TP53INP1: variants seen among roughly 807,000 people sequenced by gnomAD.
TP53INP1 encodes the protein tumor protein p53 inducible nuclear protein 1, also known as tumor protein p53-inducible nuclear protein 1.
A neutral mutation model predicts 21.0 loss-of-function variants in TP53INP1; 12 were observed. That is an observed-to-expected ratio of 0.57 (90% CI 0.37 to 0.93). The LOEUF (loss-of-function observed/expected upper bound fraction) is 0.93. TP53INP1 is among the 40% of genes least tolerant of loss of function. The probability of loss-of-function intolerance (pLI) is 0.01; values close to 1 mark genes in which losing one functional copy is unlikely to be tolerated. For synonymous variants in TP53INP1, 91 were observed against 94.8 expected (o/e 0.96, Z 0.23); for missense variants, 274 against 294.7 (o/e 0.93, Z 0.51).
Position 94,929,602 on chromosome 8 carries a change from A to G in TP53INP1, c.*877T>C, listed in dbSNP as rs1457537829. 1.3e-5 allele frequency: 2 copies of G among 152,152 alleles called. No homozygotes were observed. The highest frequency in any genetic ancestry group is 1.5e-5 in the Non-Finnish European group (1 of 68,024). The allele number at this position is 152,152 out of a possible 1,614,324, so 9.4% of individuals were successfully genotyped here. A position where few individuals can be genotyped will look rare whatever the true frequency, so the allele number is the denominator to read the frequency against. On this transcript the variant is annotated 3_prime_UTR_variant, in exon 4 of 4. Coordinates refer to ENST00000342697, the MANE Select transcript of TP53INP1 (RefSeq NM_033285.4). ...TTTCCCATGGGCAGAGAGAAATATGAAGTCACTTGAGTGCCTGGACAAGTA... is the reference window on the plus strand; with the variant it reads ...TTTCCCATGGGCAGAGAGAAATATGGAGTCACTTGAGTGCCTGGACAAGTA...
intron 3 of TP53INP1, among the ~76,000 whole-genome samples, chr8:94,935,803 C>T (rs1019183320): frequency 1.4e-4 from 21 of 152,198 alleles, no homozygotes; most frequent in African/African-American, 4.8e-4. Context: ...GTGAGCTTTA[C>T]GTAAAGAAGT....
intron 1 of TP53INP1, among the ~76,000 whole-genome samples, chr8:94,944,798 G>A (rs1821847224): frequency 6.6e-6 from 1 of 152,188 alleles, no homozygotes; most frequent in African/African-American, 2.4e-5. Context: ...TGGCCCTTCT[G>A]AGCTTCAGTC....
intron 3 of TP53INP1, among the ~76,000 whole-genome samples, chr8:94,931,394 A>G (rs1490374528): frequency 6.6e-6 from 1 of 151,932 alleles, no homozygotes. Context: ...AAGACTCTTG[A>G]ATAACACAAT....
At chr8:94,940,733 A>C in intron 2 of TP53INP1, 97 bp downstream of exon 2, 1 of 848,122 alleles carries the variant, frequency 1.2e-6, no homozygotes, top group Non-Finnish European at 1.9e-6. Flanking sequence ...TTAAGGCTGA[A>C]AACCCCTCAG....
chr8:94,933,208 C>T (rs553744281), intron 3 of TP53INP1, among the ~76,000 whole-genome samples: 58 of 152,020 alleles, frequency 3.8e-4, no homozygotes, highest in African/African-American at 1.4e-3. Flanking sequence ...AGTGAGACTC[C>T]GTGTTAAAAT....
chr8:94,934,332 T>A (rs1028164151), intron 3 of TP53INP1, among the ~76,000 whole-genome samples: 1 of 152,150 alleles, frequency 6.6e-6, no homozygotes, highest in African/African-American at 2.4e-5. Context: ...CACACAACAC[T>A]GCAAAGTAAA....
Position 94,930,486 on chromosome 8 carries a change from T to C in TP53INP1, c.716A>G (p.Asn239Ser), listed in dbSNP as rs1315876324. The change falls in exon 4 of 4, where the codon AAT becomes AGT. Residue 239 changes from asparagine (N) to serine (S), a missense_variant. Physicochemically the swap from Asn to Ser is conservative, Grantham distance 46. Coordinates refer to ENST00000342697, the MANE Select transcript of TP53INP1 (RefSeq NM_033285.4). ...VVHQPCPRQY[N>S]Y The stretch of plus-strand genomic sequence containing the variant: ...CAACAAAACTTGAAACTATTAGTAA[T>C]TGTACTGACGCGGGCAGGGCTGATG... The C allele has an allele frequency of 1.9e-6, 3 of 1,614,138 alleles. No homozygotes were observed. Among genetic ancestry groups the C allele is most frequent in the Admixed American group, 1.7e-5 (1 of 60,012 alleles).
chr8:94,940,492 GTTGGCT>G (rs1821428273), intron 2 of TP53INP1, among the ~76,000 whole-genome samples: 1 of 151,938 alleles, frequency 6.6e-6, no homozygotes, highest in African/African-American at 2.4e-5. Flanking sequence ...ATAGATTTAT[GTTGGCT>G]TTGCAGGAGT....
rs1822340245 is a variant in TP53INP1 at position 94,949,333 on chromosome 8, A to G, written c.-330T>C. 6.6e-6 allele frequency: 1 copy of G among 150,542 alleles called. No individual in the cohort carries two copies. The highest frequency in any genetic ancestry group is 6.6e-5 in the Admixed American group (1 of 15,124). The allele number at this position is 150,542 out of a possible 1,614,324, so 9.3% of individuals were successfully genotyped here. On this transcript the variant is annotated 5_prime_UTR_variant, in exon 1 of 4. Coordinates refer to ENST00000342697, the MANE Select transcript of TP53INP1 (RefSeq NM_033285.4). ...CTCCAGCCCTCGGGTCGCTGCGCCC[A>G]GGCCGGCCAGTCCAAGTCCTTTTGT...
intron 3 of TP53INP1, among the ~76,000 whole-genome samples, chr8:94,936,082 G>A (rs1264805100): frequency 6.6e-6 from 1 of 152,192 alleles, no homozygotes; most frequent in Non-Finnish European, 1.5e-5. Flanking sequence ...ACACCTCTCA[G>A]TAACAACTAC....
rs2131369403 is a variant in TP53INP1, at chr8:94,940,998, C to A, written c.-57G>T. 5.7e-6 allele frequency: 8 copies of A among 1,399,914 alleles called. No individual in the cohort carries two copies. Among genetic ancestry groups the A allele is most frequent in the East Asian group, 2.3e-5 (1 of 42,854 alleles). The allele number at this position is 1,399,914 out of a possible 1,614,324, so 86.7% of individuals were successfully genotyped here. On this transcript the variant is annotated 5_prime_UTR_variant, in exon 2 of 4. Coordinates refer to ENST00000342697, the MANE Select transcript of TP53INP1 (RefSeq NM_033285.4). ...GTCTTTTATAGCTGAGATTTCAAAA[C>A]CTTGTCTTTAGTTGGCCCAATGGTA... is the stretch of plus-strand genomic sequence containing the variant.
At chr8:94,939,764 G>C in intron 3 of TP53INP1, 96 bp downstream of exon 3, 1 of 1,513,024 alleles carries the variant, frequency 6.6e-7, no homozygotes, top group Non-Finnish European at 8.9e-7. Context: ...AACAAAATTA[G>C]TTTTGCATCT....
At chr8:94,943,185 T>C (rs1821707584) in intron 1 of TP53INP1, among the ~76,000 whole-genome samples, 1 of 152,130 alleles carries the variant, frequency 6.6e-6, no homozygotes. Context: ...AAGACAGTGA[T>C]AAAAAGCATA....
rs1048339444 is a variant in TP53INP1 at position 94,926,902 on chromosome 8, G to A, written c.*3577C>T. ...TGTATAATTTTAAGCATTAAAGTAA[G>A]TAGATAGGGATGCCATTTCTAATAT... On this transcript the variant is annotated 3_prime_UTR_variant, in exon 4 of 4. Coordinates refer to ENST00000342697, the MANE Select transcript of TP53INP1 (RefSeq NM_033285.4). 3 of 152,214 alleles carry A rather than the reference G, an allele frequency of 2.0e-5. No homozygotes were observed. The highest frequency in any genetic ancestry group is 7.2e-5 in the African/African-American group (3 of 41,458). 9.4% of individuals were successfully genotyped at this position (152,214 alleles called of 1,614,324 possible). A position where few individuals can be genotyped will look rare whatever the true frequency, so the allele number is the denominator to read the frequency against.
rs368640148 is a variant in TP53INP1 at position 94,940,261 on chromosome 8, A to G, written c.113-41T>C. The stretch of plus-strand genomic sequence containing the variant: ...CATTGCAGTCCACATGTGTTGTTGA[A>G]GAGTCCCACAGGAGGATGATTATCA... On this transcript the variant is annotated intron_variant, in intron 2 of 3. Transcript: ENST00000342697. The G allele has an allele frequency of 2.0e-4, 306 of 1,555,196 alleles. No individual in the cohort carries two copies. The African/African-American group carries it at 3.5e-3, about 18-fold the overall frequency.
chr8:94,940,898 G>A lies in TP53INP1; in HGVS notation c.44C>T (p.Ser15Phe), dbSNP rs1253852072. The A allele has an allele frequency of 6.2e-7, 1 of 1,613,662 alleles. No individual in the cohort carries two copies. The highest frequency in any genetic ancestry group is 2.2e-5 in the East Asian group (1 of 44,856). Residue 15 changes from serine (S) to phenylalanine (F), a missense_variant, in exon 2 of 4, where the codon TCT (serine) becomes TTT (phenylalanine). Transcript: ENST00000342697. ...GAATTCTGGTTCTTGGTTGGAGGAAGAACTGACTTCACCCACAAACATTTT... is the reference window on the plus strand; with the variant it reads ...GAATTCTGGTTCTTGGTTGGAGGAAAAACTGACTTCACCCACAAACATTTT... ...LNKMFVGEVS[S>F]SSNQEPEFNE... is the part of the protein sequence containing the mutation.
At chr8:94,937,523 C>G (rs1463831614) in intron 3 of TP53INP1, among the ~76,000 whole-genome samples, 1 of 151,636 alleles carries the variant, frequency 6.6e-6, no homozygotes, top group Non-Finnish European at 1.5e-5. Flanking sequence ...TCCTGTTTTT[C>G]TGGTATCTGA....
At chr8:94,945,010 CCAGGCACACTGTG>C (rs1315725753) in intron 1 of TP53INP1, among the ~76,000 whole-genome samples, 1 of 152,152 alleles carries the variant, frequency 6.6e-6, no homozygotes, top group African/African-American at 2.4e-5. Context: ...GAGGTAGCCA[CCAGGCACACTGTG>C]CACATGAACA....
In TP53INP1 at chr8:94,941,085, A is replaced by G. The variant is rs1308553931; in HGVS notation, c.-144T>C. ...ACTTAGGTGAAAAGCAAGAAGAGTC[A>G]TTGTACCTAAAATAAAACAGAAAAA... On this transcript the variant is annotated 5_prime_UTR_variant, in exon 2 of 4. An upstream start codon of the reference 5' UTR is lost. Coordinates refer to ENST00000342697, the MANE Select transcript of TP53INP1 (RefSeq NM_033285.4). 4 of 614,390 alleles carry G rather than the reference A, an allele frequency of 6.5e-6. No homozygotes were observed. The highest frequency in any genetic ancestry group is 5.6e-5 in the African/African-American group (3 of 53,918). The allele number at this position is 614,390 out of a possible 1,614,324, so 38.1% of individuals were successfully genotyped here. A position where few individuals can be genotyped will look rare whatever the true frequency, so the allele number is the denominator to read the frequency against.
Sources: gnomAD v4.1 joint callset for allele counts (sites outside exome capture counted in the v4.1 genomes callset) on GRCh38, gnomAD v4.1.1 for gene constraint, MANE v1.5 for transcripts, NCBI Gene and HGNC (gene_info 2026-07-23, HGNC 2026-07-21) for gene names.